The following CKAP5 variants were observed in gnomAD, a reference collection of about 807,000 sequenced individuals.
CKAP5 encodes cytoskeleton associated protein 5.
In CKAP5, 27 loss-of-function variants were observed where a neutral mutation model predicts 232.8. The ratio of observed to expected loss-of-function variants is 0.12; its 90% CI spans 0.09 to 0.16. The LOEUF (loss-of-function observed/expected upper bound fraction) is 0.16. CKAP5 is among the 10% of genes least tolerant of loss of function. The probability of loss-of-function intolerance (pLI) is 1.00; values close to 1 mark genes in which losing one functional copy is unlikely to be tolerated. For missense variants in CKAP5, 1,838 were observed against 2,424.7 expected, an observed-to-expected ratio of 0.76 and a Z score of 5.08; for synonymous variants, 785 against 841.1, an observed-to-expected ratio of 0.93 and a Z score of 1.16.
At chr11:46,752,283 A>G (rs997395750) in intron 38 of CKAP5, among the ~76,000 whole-genome samples, 17 of 145,722 alleles carry the variant, frequency 1.2e-4, no homozygotes, top group Admixed American at 9.7e-4. Context: ...TATAATACAT[A>G]TATACATATA....
chr11:46,759,662 T>G (rs2065139812), intron 33 of CKAP5, among the ~76,000 whole-genome samples: 1 of 152,232 alleles, frequency 6.6e-6, no homozygotes, highest in South Asian at 2.1e-4. Flanking sequence ...AATTTGTACT[T>G]ACATTACCTG....
Position 46,826,589 on chromosome 11 carries a change from T to A in CKAP5, c.-37-5321A>T, listed in dbSNP as rs543322425. ...CCAAACAAGCACCCTACGGCTGCTG[T>A]CACCACCCAGAAGTAGAGCAGATAC... is the stretch of plus-strand genomic sequence containing the variant. On this transcript the variant is annotated intron_variant, in intron 1 of 43. Coordinates refer to ENST00000529230, the MANE Select transcript of CKAP5 (RefSeq NM_001008938.4). 4.6e-5 allele frequency among the ~76,000 whole-genome samples: 7 copies of A among 152,280 alleles called. No homozygotes were observed. In the South Asian group the frequency reaches 1.5e-3, roughly 32 times the overall value.
chr11:46,805,933 A>G (rs1319922630), intron 8 of CKAP5, among the ~76,000 whole-genome samples: 2 of 152,240 alleles, frequency 1.3e-5, no homozygotes, highest in African/African-American at 4.8e-5. Context: ...ACGAAACTCC[A>G]TCTCAAAAAA....
At chr11:46,812,322 A>G (rs907535189) in intron 4 of CKAP5, among the ~76,000 whole-genome samples, 13 of 152,182 alleles carry the variant, frequency 8.5e-5, no homozygotes, top group African/African-American at 2.9e-4. Flanking sequence ...GCAACAGAGC[A>G]AGGTTCCGTC....
At chr11:46,793,023 C>T (rs1938778273) in intron 13 of CKAP5, among the ~76,000 whole-genome samples, 1 of 152,198 alleles carries the variant, frequency 6.6e-6, no homozygotes, top group Non-Finnish European at 1.5e-5. Context: ...CCGGTTTCTA[C>T]TATACGCCAG....
chr11:46,760,515 G>A, intron 33 of CKAP5, 97 bp downstream of exon 33: 1 of 1,167,602 alleles, frequency 8.6e-7, no homozygotes, highest in South Asian at 1.4e-5. Flanking sequence ...GCATGATAAT[G>A]GCTACAAGAA....
At chr11:46,807,781 T>C (rs957663138) in intron 8 of CKAP5, among the ~76,000 whole-genome samples, 2 of 152,214 alleles carry the variant, frequency 1.3e-5, no homozygotes, top group Admixed American at 6.5e-5. Context: ...GCAACTCTCT[T>C]TTCCTAGAGA....
chr11:46,818,659 A>G (rs2134687454), intron 2 of CKAP5, among the ~76,000 whole-genome samples, 156 bp from the exon 3 acceptor site: 1 of 152,306 alleles, frequency 6.6e-6, no homozygotes, highest in South Asian at 2.1e-4. Context: ...AAAGAGTTTA[A>G]GAAATTGGCA....
chr11:46,797,820 AC>A lies in CKAP5; in HGVS notation c.1322del (p.Cys441LeufsTer27). On this transcript the variant is annotated frameshift_variant, in exon 11 of 44. Coordinates refer to ENST00000529230, the MANE Select transcript of CKAP5 (RefSeq NM_001008938.4). LOFTEE classifies it high-confidence loss of function. ...TLPKSLLKPF[C>X]AALLKHINDS... ...GAGTCTGTACCTTAAGTAGTGCAGC[AC>A]AAAAGGGCTTTAGCAAGCTCTTTGG... is the stretch of plus-strand genomic sequence containing the variant. The A allele has an allele frequency of 6.2e-7, 1 of 1,611,634 alleles. No individual in the cohort carries two copies. Among genetic ancestry groups the A allele is most frequent in the East Asian group, 2.2e-5 (1 of 44,866 alleles).
At chr11:46,838,318 CTG>C (rs1939962777) in intron 1 of CKAP5, among the ~76,000 whole-genome samples, 1 of 152,072 alleles carries the variant, frequency 6.6e-6, no homozygotes, top group Admixed American at 6.6e-5. Context: ...CTAATTGAGA[CTG>C]TTAAGATACT....
intron 1 of CKAP5, among the ~76,000 whole-genome samples, chr11:46,826,478 C>G (rs554687736): frequency 7.9e-5 from 12 of 152,286 alleles, no homozygotes; most frequent in Non-Finnish European, 1.6e-4. Context: ...GGGTTATACT[C>G]TGGTAAAAGC....
rs1302459090 is a variant in CKAP5, at chr11:46,744,597, AAG to A, written c.5705-22_5705-21del. The A allele has an allele frequency of 6.2e-7, 1 of 1,610,702 alleles. No individual in the cohort carries two copies. On this transcript the variant is annotated intron_variant, in intron 42 of 43. Transcript: ENST00000529230. ...AGATGCCTAGAGGGGAAAAAGTAGAAAGAATATTCAGATATCCACATATCCCC... is the reference window on the plus strand; with the variant it reads ...AGATGCCTAGAGGGGAAAAAGTAGAAAATATTCAGATATCCACATATCCCC...
intron 1 of CKAP5, among the ~76,000 whole-genome samples, chr11:46,837,581 G>A (rs1050867059): frequency 1.8e-4 from 28 of 152,064 alleles, no homozygotes; most frequent in Admixed American, 2.0e-4. Flanking sequence ...TGGGGAAATG[G>A]CTGATTCTAG....
intron 1 of CKAP5, among the ~76,000 whole-genome samples, chr11:46,825,800 A>C (rs1939639344): frequency 1.3e-5 from 2 of 152,214 alleles, no homozygotes; most frequent in South Asian, 4.1e-4. Flanking sequence ...ATGCATACAC[A>C]TGCCCAGAAA....
At chr11:46,801,618 C>T (rs1034095302) in intron 8 of CKAP5, among the ~76,000 whole-genome samples, 6 of 151,570 alleles carry the variant, frequency 4.0e-5, no homozygotes, top group Admixed American at 6.6e-5. Flanking sequence ...TGCAGTGAGC[C>T]GAGATTGCAC....
In CKAP5 at chr11:46,750,961, G is replaced by A. The variant is rs116519304; in HGVS notation, c.5460+157C>T. Among the ~76,000 whole-genome samples the A allele has an allele frequency of 5.9e-3, 894 of 152,286 alleles. 7 individuals carry two copies. Among genetic ancestry groups the A allele is most frequent in the African/African-American group, 0.021 (865 of 41,552 alleles). On this transcript the variant is annotated intron_variant, in intron 40 of 43. Coordinates refer to ENST00000529230, the MANE Select transcript of CKAP5 (RefSeq NM_001008938.4). Reference sequence around the variant, plus strand: ...AGTTTAGATTTTAAAATTTCAAGGTGGAAATGGTTACTGCACCACAGCAGG... The same window carrying A: ...AGTTTAGATTTTAAAATTTCAAGGTAGAAATGGTTACTGCACCACAGCAGG...
intron 13 of CKAP5, among the ~76,000 whole-genome samples, chr11:46,794,748 A>T (rs1461432273): frequency 1.3e-5 from 2 of 152,156 alleles, no homozygotes; most frequent in Non-Finnish European, 2.9e-5. Context: ...AGTGAGGAGG[A>T]TCACTTGAGC....
intron 1 of CKAP5, among the ~76,000 whole-genome samples, chr11:46,842,462 T>C (rs541180617): frequency 5.3e-5 from 8 of 152,172 alleles, no homozygotes; most frequent in Non-Finnish European, 1.2e-4. Context: ...TACCCAGTCA[T>C]GGTAAATGCT....
intron 1 of CKAP5, among the ~76,000 whole-genome samples, chr11:46,838,969 G>A (rs1222076700): frequency 4.0e-5 from 6 of 151,696 alleles, no homozygotes; most frequent in Non-Finnish European, 5.9e-5. Context: ...GGCCAATTTT[G>A]TTCAACAAAT....
Sources: allele counts gnomAD v4.1 joint callset (sites outside exome capture counted in the v4.1 genomes callset), GRCh38; gene constraint gnomAD v4.1.1; transcripts MANE v1.5; gene names NCBI Gene and HGNC (gene_info 2026-07-23, HGNC 2026-07-21).